The following RNPC3 variants were observed in gnomAD, a reference collection of about 807,000 sequenced individuals.
The protein encoded by RNPC3 is RNA-binding region-containing protein 3.
RNPC3 carries 48 observed loss-of-function variants against 67.5 expected under a neutral mutation model. The observed-to-expected ratio is 0.71, with a 90% CI of 0.56 to 0.90. RNPC3 has a LOEUF of 0.90. RNPC3 is among the 40% of genes least tolerant of loss of function. The pLI is 0.00. For missense variants in RNPC3, 637 were observed against 626.1 expected (o/e 1.02, Z -0.19); for synonymous variants, 239 against 210.3 (o/e 1.14, Z -1.18).
intron 12 of RNPC3, among the ~76,000 whole-genome samples, chr1:103,549,623 T>C (rs934760300): frequency 1.3e-5 from 2 of 152,208 alleles, no homozygotes; most frequent in African/African-American, 2.4e-5. Flanking sequence ...AATTACAATC[T>C]GATTTTTCTA....
intron 8 of RNPC3, 138 bp from the exon 9 acceptor site, chr1:103,543,158 C>T (rs1651165576): frequency 1.9e-6 from 1 of 518,656 alleles, no homozygotes; most frequent in African/African-American, 2.0e-5. Flanking sequence ...GTCTAAGTCA[C>T]TCACTTTATT....
intron 2 of RNPC3, among the ~76,000 whole-genome samples, chr1:103,530,160 G>A (rs973819099): frequency 4.6e-5 from 7 of 150,708 alleles, no homozygotes; most frequent in African/African-American, 1.5e-4. Context: ...CCTACTATGT[G>A]CTAGATGCTG....
chr1:103,551,210 C>A, intron 13 of RNPC3, 137 bp downstream of exon 13: 2 of 680,288 alleles, frequency 2.9e-6, no homozygotes, highest in Non-Finnish European at 4.9e-6. Context: ...CAATTAAACC[C>A]ACCTTACTGA....
intron 7 of RNPC3, among the ~76,000 whole-genome samples, chr1:103,540,508 A>T (rs909678530): frequency 1.3e-5 from 2 of 152,164 alleles, no homozygotes; most frequent in African/African-American, 4.8e-5. Context: ...ATATACTTTG[A>T]ATAACTAAAT....
chr1:103,532,106 TTTTG>T (rs988520521), intron 2 of RNPC3, among the ~76,000 whole-genome samples: 3 of 152,182 alleles, frequency 2.0e-5, no homozygotes, highest in African/African-American at 7.2e-5. Context: ...TACTTTATGT[TTTTG>T]TTTGCTTTCT....
intron 2 of RNPC3, among the ~76,000 whole-genome samples, chr1:103,529,304 T>G (rs1004776375): frequency 3.3e-5 from 5 of 152,140 alleles, no homozygotes. Flanking sequence ...CATAATACAT[T>G]GTAAATAAAG....
chr1:103,527,074 C>G (rs1417448210), intron 1 of RNPC3, among the ~76,000 whole-genome samples: 1 of 151,808 alleles, frequency 6.6e-6, no homozygotes, highest in African/African-American at 2.4e-5. Context: ...CATCGTGTAT[C>G]AGATTAGACA....
intron 7 of RNPC3, among the ~76,000 whole-genome samples, chr1:103,538,348 G>T (rs1651044472): frequency 6.6e-6 from 1 of 151,812 alleles, no homozygotes; most frequent in African/African-American, 2.4e-5. Flanking sequence ...TTTTTTTGTT[G>T]TGACTCTTGT....
intron 1 of RNPC3, among the ~76,000 whole-genome samples, 183 bp downstream of exon 1, chr1:103,526,445 G>A (rs1335847012): frequency 1.3e-5 from 2 of 152,134 alleles, no homozygotes; most frequent in African/African-American, 4.8e-5. Context: ...TAATCGGCTC[G>A]AGTCTGGATT....
chr1:103,527,557 C>T (rs1650750561), intron 1 of RNPC3, 138 bp from the exon 2 acceptor site: 2 of 677,522 alleles, frequency 3.0e-6, no homozygotes, highest in Non-Finnish European at 5.2e-6. Flanking sequence ...AATTAGTAAT[C>T]AGTTAAATGG....
chr1:103,544,973 A>G lies in RNPC3; in HGVS notation c.1078A>G (p.Ile360Val). 6.5e-7 allele frequency: 1 copy of G among 1,532,104 alleles called. No individual in the cohort carries two copies. Among genetic ancestry groups the G allele is most frequent in the African/African-American group, 1.4e-5 (1 of 72,986 alleles). The allele number at this position is 1,532,104 out of a possible 1,614,324, so 94.9% of individuals were successfully genotyped here. Residue 360 changes from isoleucine (I) to valine (V), a missense_variant, in exon 10 of 15, where the codon ATA (isoleucine) becomes GTA (valine). Physicochemically the swap from Ile to Val is conservative, Grantham distance 29. Around this residue, in one of 3 missense-constraint regions of RNPC3, gnomAD observed 536 missense variants for 500.3 expected, o/e 1.07. Transcript: ENST00000423855. ...LPATEVDASN[I>V]GFGKIFPKPN... Reference sequence around the variant, plus strand: ...TGCTACTGAAGTTGATGCATCCAATATAGGATTTGGAAAAATCTTCCCCAA... The same window carrying G: ...TGCTACTGAAGTTGATGCATCCAATGTAGGATTTGGAAAAATCTTCCCCAA...
chr1:103,553,132 G>A (rs1032410714), intron 14 of RNPC3: 5 of 152,036 alleles, frequency 3.3e-5, no homozygotes, highest in Non-Finnish European at 7.4e-5. Context: ...TTTGTTGTAC[G>A]TCTATACTGG....
rs1650955416 is a variant in RNPC3 at position 103,535,353 on chromosome 1, G to T, written c.467G>T (p.Cys156Phe). The change falls in exon 5 of 15, where the codon TGC becomes TTC. Residue 156 changes from cysteine (C) to phenylalanine (F), a missense_variant. Cys to Phe is a radical substitution (Grantham distance 205). This residue lies in a region of RNPC3 where 536 missense variants were observed against 500.3 expected (regional missense o/e 1.07). Transcript: ENST00000423855. ...NHGLTFPLNSCLKYMYPPPSS... is the reference protein window; with the variant it reads ...NHGLTFPLNSFLKYMYPPPSS... Reference sequence around the variant, plus strand: ...AGGCTGACTTTTCCTTTAAATTCATGCCTCAAGTATATGTACCCACCACCT... The same window carrying T: ...AGGCTGACTTTTCCTTTAAATTCATTCCTCAAGTATATGTACCCACCACCT... The T allele has an allele frequency of 6.5e-7, 1 of 1,534,118 alleles. No homozygotes were observed. The highest frequency in any genetic ancestry group is 8.7e-7 in the Non-Finnish European group (1 of 1,145,118).
chr1:103,528,869 T>C (rs1182314716), intron 2 of RNPC3, among the ~76,000 whole-genome samples: 1 of 152,204 alleles, frequency 6.6e-6, no homozygotes, highest in Non-Finnish European at 1.5e-5. Context: ...GATGAAATCC[T>C]GTGATGATGC....
At chr1:103,531,591 T>A (rs1322727135) in intron 2 of RNPC3, among the ~76,000 whole-genome samples, 1 of 152,218 alleles carries the variant, frequency 6.6e-6, no homozygotes, top group Non-Finnish European at 1.5e-5. Flanking sequence ...ATTTCCATGA[T>A]CATTAGTGAT....
chr1:103,527,890 G>A, intron 2 of RNPC3, 148 bp downstream of exon 2: 2 of 606,394 alleles, frequency 3.3e-6, no homozygotes, highest in Non-Finnish European at 5.8e-6. Context: ...TTGTCAGTTG[G>A]CAGATCTTGC....
At chr1:103,527,601 A>G in intron 1 of RNPC3, 94 bp from the exon 2 acceptor site, 2 of 875,426 alleles carry the variant, frequency 2.3e-6, no homozygotes, top group Non-Finnish European at 3.7e-6. Context: ...TGATTTTATT[A>G]ACATGTCACA....
At chr1:103,547,842 A>T (rs1651283761) in intron 12 of RNPC3, among the ~76,000 whole-genome samples, 2 of 152,216 alleles carry the variant, frequency 1.3e-5, no homozygotes, top group Admixed American at 1.3e-4. Flanking sequence ...TGGAAAACTC[A>T]CAGTTCCACC....
intron 2 of RNPC3, among the ~76,000 whole-genome samples, chr1:103,529,506 G>A (rs1386188364): frequency 6.6e-6 from 1 of 151,976 alleles, no homozygotes; most frequent in Non-Finnish European, 1.5e-5. Flanking sequence ...AACAAAGGGA[G>A]AAATGTTCAA....
Sources: allele counts gnomAD v4.1 joint callset (sites outside exome capture counted in the v4.1 genomes callset), GRCh38; gene constraint gnomAD v4.1.1; regional missense constraint gnomAD v4.1.1; transcripts MANE v1.5; gene names NCBI Gene and HGNC (gene_info 2026-07-23, HGNC 2026-07-21).